Variants in ANKRD13C observed in about 807,000 individuals in gnomAD.
ANKRD13C encodes ankyrin repeat domain-containing protein 13C.
A neutral mutation model predicts 65.5 loss-of-function variants in ANKRD13C; 16 were observed. That is an observed-to-expected ratio of 0.24 (90% CI 0.17 to 0.37). The LOEUF (loss-of-function observed/expected upper bound fraction) is 0.37. Ranked by LOEUF, ANKRD13C falls within the 10% of genes least tolerant of loss-of-function variation. The pLI, the probability that ANKRD13C is intolerant of heterozygous loss-of-function variation, is 1.00. For synonymous variants in ANKRD13C, 235 were observed against 238.7 expected, an observed-to-expected ratio of 0.98 and a Z score of 0.14; for missense variants, 503 against 655.9, an observed-to-expected ratio of 0.77 and a Z score of 2.55.
At position 70,260,376 on chromosome 1, in the gene ANKRD13C, T is replaced by C. The variant is rs1371650554; in HGVS notation, c.*2341A>G. ...AATATTAACCATTTCTAAATGGCTA[T>C]TGAAGATGACTATACGATTGTCCCC... On this transcript the variant is annotated 3_prime_UTR_variant, in exon 13 of 13. Transcript: ENST00000370944. 1.3e-5 allele frequency among the ~76,000 whole-genome samples: 2 copies of C among 152,162 alleles called. No homozygotes were observed. The highest frequency in any genetic ancestry group is 2.9e-5 in the Non-Finnish European group (2 of 67,992).
At chr1:70,348,986 A>G (rs1371650732) in intron 1 of ANKRD13C, among the ~76,000 whole-genome samples, 1 of 152,174 alleles carries the variant, frequency 6.6e-6, no homozygotes, top group Non-Finnish European at 1.5e-5. Context: ...TTGGCACCTA[A>G]AAGCTTCTGA....
chr1:70,331,514 C>T (rs1054979896), intron 2 of ANKRD13C, among the ~76,000 whole-genome samples: 2 of 152,030 alleles, frequency 1.3e-5, no homozygotes, highest in Non-Finnish European at 2.9e-5. Flanking sequence ...AATAGACTAT[C>T]TAGGCTGAAC....
At chr1:70,323,321 T>C (rs1371255877) in intron 3 of ANKRD13C, among the ~76,000 whole-genome samples, 1 of 152,102 alleles carries the variant, frequency 6.6e-6, no homozygotes, top group Non-Finnish European at 1.5e-5. Context: ...TCTCAGTAAA[T>C]CTTAGACCCA....
intron 2 of ANKRD13C, 53 bp from the exon 3 acceptor site, chr1:70,325,010 T>G: frequency 7.7e-6 from 9 of 1,171,326 alleles, no homozygotes; most frequent in Non-Finnish European, 9.7e-6. Flanking sequence ...TTAGAATCTC[T>G]AAATATAAAT....
intron 2 of ANKRD13C, among the ~76,000 whole-genome samples, chr1:70,330,829 CA>C (rs1331045289): frequency 1.3e-5 from 2 of 151,950 alleles, no homozygotes; most frequent in African/African-American, 4.8e-5. Flanking sequence ...TATTTTCAAC[CA>C]AAAGGATAAG....
intron 5 of ANKRD13C, among the ~76,000 whole-genome samples, chr1:70,312,392 G>A (rs1471671638): frequency 6.7e-6 from 1 of 148,306 alleles, no homozygotes. Context: ...TTGAGACAGA[G>A]CCTTGCTCTG....
At chr1:70,333,406 A>G (rs1368942493) in intron 2 of ANKRD13C, among the ~76,000 whole-genome samples, 1 of 152,124 alleles carries the variant, frequency 6.6e-6, no homozygotes, top group Admixed American at 6.6e-5. Context: ...TAGAGATGTC[A>G]ATCATGGCCT....
At chr1:70,289,402 C>T (rs187925331) in intron 9 of ANKRD13C, among the ~76,000 whole-genome samples, 5 of 152,168 alleles carry the variant, frequency 3.3e-5, no homozygotes, top group African/African-American at 9.6e-5. Context: ...GCAAACAGTC[C>T]ATGAAACAGC....
chr1:70,288,880 T>TG (rs1052492614), intron 9 of ANKRD13C, among the ~76,000 whole-genome samples: 6 of 152,164 alleles, frequency 3.9e-5, no homozygotes, highest in Admixed American at 3.9e-4. Context: ...ACGTTACCAC[T>TG]GGGGGAAACT....
At chr1:70,269,358 T>G (rs1320133054) in intron 12 of ANKRD13C, among the ~76,000 whole-genome samples, 1 of 152,186 alleles carries the variant, frequency 6.6e-6, no homozygotes, top group East Asian at 1.9e-4. Flanking sequence ...TGGGGTTTGA[T>G]TTGGGTTTGT....
intron 9 of ANKRD13C, among the ~76,000 whole-genome samples, chr1:70,285,187 C>CTTT (rs60703728): frequency 2.6e-3 from 271 of 105,226 alleles, no homozygotes; most frequent in African/African-American, 5.6e-3. Context: ...TTTATAATGT[C>CTTT]TTTTTTTTTT....
rs182252247 is a variant in ANKRD13C at position 70,343,387 on chromosome 1, C to T, written c.431-7288G>A. Among the ~76,000 whole-genome samples the T allele has an allele frequency of 1.2e-3, 181 of 152,298 alleles. 2 individuals are homozygous for T. Among genetic ancestry groups the T allele is most frequent in the African/African-American group, 4.3e-3 (178 of 41,574 alleles). ...ACCTGCTGCTTAAGCTAATTTATTA[C>T]ACAAAGGATAATAAAAACATAAAAT... is the stretch of plus-strand genomic sequence containing the variant. On this transcript the variant is annotated intron_variant, in intron 1 of 12. Coordinates refer to ENST00000370944, the MANE Select transcript of ANKRD13C (RefSeq NM_030816.5).
chr1:70,319,056 T>C (rs371243045), intron 3 of ANKRD13C, among the ~76,000 whole-genome samples: 7 of 152,302 alleles, frequency 4.6e-5, no homozygotes, highest in Non-Finnish European at 7.4e-5. Context: ...CAAGCTTACC[T>C]CATTTGTTCC....
chr1:70,310,030 T>C lies in ANKRD13C; in HGVS notation c.709+3715A>G, dbSNP rs72678632. Reference sequence around the variant, plus strand: ...TAAAGCTCAGAAAACATATAAAATATGTGATTTGCAATGTCAAATACTTAG... The same window carrying C: ...TAAAGCTCAGAAAACATATAAAATACGTGATTTGCAATGTCAAATACTTAG... On this transcript the variant is annotated intron_variant, in intron 5 of 12. Transcript: ENST00000370944. Among the ~76,000 whole-genome samples, 1,135 of 152,254 alleles carry C rather than the reference T, an allele frequency of 7.5e-3. 5 individuals are homozygous for C. Among genetic ancestry groups the C allele is most frequent in the Non-Finnish European group, 9.9e-3 (673 of 68,006 alleles).
In ANKRD13C at chr1:70,260,538, G is replaced by A. The variant is rs1466248415; in HGVS notation, c.*2179C>T. 6.6e-6 allele frequency: 1 copy of A among 152,070 alleles called. No individual in the cohort carries two copies. The highest frequency in any genetic ancestry group is 1.5e-5 in the Non-Finnish European group (1 of 67,974). The allele number at this position is 152,070 out of a possible 1,614,324, so 9.4% of individuals were successfully genotyped here. A position where few individuals can be genotyped will look rare whatever the true frequency, so the allele number is the denominator to read the frequency against. On this transcript the variant is annotated 3_prime_UTR_variant, in exon 13 of 13. Transcript: ENST00000370944. ...TTTTGACTTATTCATTTGAAACACTGCATATAGCTTCATTCATTAACTGGA... is the reference window on the plus strand; with the variant it reads ...TTTTGACTTATTCATTTGAAACACTACATATAGCTTCATTCATTAACTGGA...
intron 1 of ANKRD13C, among the ~76,000 whole-genome samples, chr1:70,339,315 ATTT>A (rs781339493): frequency 5.5e-5 from 7 of 127,852 alleles, no homozygotes; most frequent in Middle Eastern, 4.0e-3. Context: ...CTATCATTCC[ATTT>A]TTTTTTTTTT....
chr1:70,345,092 T>C (rs1166978524), intron 1 of ANKRD13C, among the ~76,000 whole-genome samples: 1 of 152,194 alleles, frequency 6.6e-6, no homozygotes. Flanking sequence ...TAATAACCTT[T>C]TCTGATATTT....
At chr1:70,289,927 T>A (rs2101238181) in intron 9 of ANKRD13C, among the ~76,000 whole-genome samples, 1 of 152,296 alleles carries the variant, frequency 6.6e-6, no homozygotes, top group African/African-American at 2.4e-5. Context: ...AGCAGCCCTG[T>A]CAAAGACTGA....
intron 8 of ANKRD13C, among the ~76,000 whole-genome samples, chr1:70,295,726 G>GA (rs1572075382): frequency 6.6e-6 from 1 of 151,920 alleles, no homozygotes; most frequent in African/African-American, 2.4e-5. Flanking sequence ...TAGAATACAA[G>GA]AAAAAAATAT....
Sources: allele counts gnomAD v4.1 joint callset (sites outside exome capture counted in the v4.1 genomes callset), GRCh38; gene constraint gnomAD v4.1.1; transcripts MANE v1.5; gene names NCBI Gene and HGNC (gene_info 2026-07-23, HGNC 2026-07-21).